CFAP161: variants seen among roughly 807,000 people sequenced by gnomAD.
CFAP161 encodes the protein cilia and flagella associated protein 161.
A neutral mutation model predicts 29.0 loss-of-function variants in CFAP161; 25 were observed. The observed-to-expected ratio is 0.86, with a 90% CI of 0.63 to 1.20. The LOEUF is 1.20. Among genes scored for constraint, CFAP161 ranks in the 50% most tolerant of loss-of-function variants. CFAP161 has a pLI of 0.00. For missense variants in CFAP161, 367 were observed against 371.9 expected, an observed-to-expected ratio of 0.99 and a Z score of 0.11; for synonymous variants, 116 against 137.4, an observed-to-expected ratio of 0.84 and a Z score of 1.09.
At chr15:81,138,027 A>C (rs569128212) in intron 3 of CFAP161, 24 bp from the exon 4 acceptor site, 1 of 1,528,196 alleles carries the variant, frequency 6.5e-7, no homozygotes, top group South Asian at 1.1e-5. Flanking sequence ...TTACATTTAC[A>C]TTATACTTAT....
At chr15:81,131,392 A>T (rs1894709399), upstream of CFAP161, among the ~76,000 whole-genome samples, 1 of 152,184 alleles carries the variant, frequency 6.6e-6, no homozygotes, top group South Asian at 2.1e-4. Context: ...CATTATAAAT[A>T]TGTTCAAAAA....
At chr15:81,112,235 G>A (rs1333712036) in intron 1 of CFAP161, among the ~76,000 whole-genome samples, 1 of 148,414 alleles carries the variant, frequency 6.7e-6, no homozygotes, top group Non-Finnish European at 1.5e-5. Flanking sequence ...ACTTACATTT[G>A]TCATCCAACA....
chr15:81,134,448 C>T (rs1420349139), intron 1 of CFAP161, 50 bp downstream of exon 1: 1 of 1,541,822 alleles, frequency 6.5e-7, no homozygotes, highest in Non-Finnish European at 8.8e-7. Context: ...AACTCCCAGA[C>T]CCTGCTCTAA....
Position 81,147,948 on chromosome 15 carries a change from T to C in CFAP161, c.710+17T>C, listed in dbSNP as rs764571022. On this transcript the variant is annotated intron_variant, in intron 6 of 6. Coordinates refer to ENST00000286732, the MANE Select transcript of CFAP161 (RefSeq NM_173528.4). Reference sequence around the variant, plus strand: ...TTTCTTAAGGTATTGTATTTCAGGGTACAACAAAATGCTGTGATTGGGGCT... The same window carrying C: ...TTTCTTAAGGTATTGTATTTCAGGGCACAACAAAATGCTGTGATTGGGGCT... 17 of 1,588,316 alleles carry C rather than the reference T, an allele frequency of 1.1e-5. No homozygotes were observed. The highest frequency in any genetic ancestry group is 1.5e-5 in the Non-Finnish European group (17 of 1,161,386).
At chr15:81,122,684 G>T (rs1894590089) in intron 1 of CFAP161, among the ~76,000 whole-genome samples, 1 of 151,696 alleles carries the variant, frequency 6.6e-6, no homozygotes. Flanking sequence ...TAGAGACAGG[G>T]TTTCACTATG....
chr15:81,120,853 A>T (rs985959308), intron 1 of CFAP161, among the ~76,000 whole-genome samples: 6 of 152,240 alleles, frequency 3.9e-5, no homozygotes, highest in African/African-American at 1.2e-4. Flanking sequence ...TTTCCAACCT[A>T]AAACTAGATA....
At chr15:81,142,360 C>T (rs552827772) in intron 4 of CFAP161, among the ~76,000 whole-genome samples, 141 of 152,110 alleles carry the variant, frequency 9.3e-4, no homozygotes, top group African/African-American at 3.4e-3. Flanking sequence ...TGGTCACCCC[C>T]ATCCTCACTG....
At chr15:81,139,290 C>T (rs1288776028) in intron 4 of CFAP161, among the ~76,000 whole-genome samples, 2 of 151,656 alleles carry the variant, frequency 1.3e-5, no homozygotes, top group South Asian at 4.2e-4. Flanking sequence ...GAAAGAGACC[C>T]TGTGTCAAAA....
intron 2 of CFAP161, among the ~76,000 whole-genome samples, chr15:81,128,585 C>T (rs113605329): frequency 0.016 from 2,425 of 152,314 alleles, 65 homozygotes; most frequent in African/African-American, 0.053. Flanking sequence ...TCCGTGACAT[C>T]TGCAATTACC....
intron 5 of CFAP161, among the ~76,000 whole-genome samples, chr15:81,144,777 C>T (rs531796660): frequency 2.2e-5 from 3 of 137,056 alleles, no homozygotes; most frequent in African/African-American, 3.1e-5. Flanking sequence ...ACAGTGAGAC[C>T]GTGTCTCAAA....
rs557730180 is a variant in CFAP161 at position 81,122,075 on chromosome 15, A to G, written c.-141-5515A>G. Among the ~76,000 whole-genome samples the G allele has an allele frequency of 3.4e-4, 52 of 152,096 alleles. 1 individual carries two copies. The highest frequency in any genetic ancestry group is 1.3e-4 in the Admixed American group (2 of 15,270). On this transcript the variant is annotated intron_variant, in intron 1 of 4. Transcript: ENST00000560091. ...TCTTTTTATGGCTGCATAGTATTCCATTGTGTGTATGTACTACTTTTTCTT... is the reference window on the plus strand; with the variant it reads ...TCTTTTTATGGCTGCATAGTATTCCGTTGTGTGTATGTACTACTTTTTCTT...
At chr15:81,145,685 G>C (rs1417854350) in intron 5 of CFAP161, among the ~76,000 whole-genome samples, 1 of 152,156 alleles carries the variant, frequency 6.6e-6, no homozygotes, top group Non-Finnish European at 1.5e-5. Context: ...AAACCTGTCT[G>C]AGCTACCTTG....
At chr15:81,129,209 A>G (rs1258776658) in intron 2 of CFAP161, among the ~76,000 whole-genome samples, 1 of 152,200 alleles carries the variant, frequency 6.6e-6, no homozygotes, top group African/African-American at 2.4e-5. Context: ...CAAAGCTGCA[A>G]ACAGATGTGC....
chr15:81,132,669 T>C (rs566717734), upstream of CFAP161, among the ~76,000 whole-genome samples: 14 of 152,332 alleles, frequency 9.2e-5, no homozygotes, highest in East Asian at 2.7e-3. Flanking sequence ...GCTGTATCAG[T>C]GTAAGGACTT....
chr15:81,114,137 C>CT (rs1289497845), intron 1 of CFAP161, among the ~76,000 whole-genome samples: 7 of 152,108 alleles, frequency 4.6e-5, no homozygotes, highest in Non-Finnish European at 8.8e-5. Context: ...GACAGAGCTG[C>CT]TACAACATAC....
At chr15:81,136,356 G>A (rs879501624) in intron 2 of CFAP161, among the ~76,000 whole-genome samples, 160 bp from the exon 3 acceptor site, 8 of 152,212 alleles carry the variant, frequency 5.3e-5, no homozygotes, top group Non-Finnish European at 8.8e-5. Context: ...CTTTGCCTTG[G>A]CAAAGGGGAA....
chr15:81,114,702 C>T (rs1366070288), intron 1 of CFAP161, among the ~76,000 whole-genome samples: 2 of 152,138 alleles, frequency 1.3e-5, no homozygotes, highest in African/African-American at 4.8e-5. Context: ...CTCGCTCTGT[C>T]GCCCAGGCTG....
chr15:81,147,162 C>T (rs1895022567), intron 5 of CFAP161, among the ~76,000 whole-genome samples: 1 of 151,982 alleles, frequency 6.6e-6, no homozygotes, highest in Non-Finnish European at 1.5e-5. Context: ...TATTCCTCTA[C>T]CGCCCTCTCA....
At chr15:81,117,744 T>C in intron 1 of CFAP161, 1 of 305,262 alleles carries the variant, frequency 3.3e-6, no homozygotes, top group Non-Finnish European at 6.6e-6. Flanking sequence ...CTTTATCAAG[T>C]CCAAATTCTT....
Sources: gnomAD v4.1 joint callset for allele counts (sites outside exome capture counted in the v4.1 genomes callset) on GRCh38, gnomAD v4.1.1 for gene constraint, MANE v1.5 for transcripts, NCBI Gene and HGNC (gene_info 2026-07-23, HGNC 2026-07-21) for gene names.